The following SETD1B variants were observed in gnomAD, a reference collection of about 807,000 sequenced individuals.
SETD1B encodes the protein histone-lysine N-methyltransferase SETD1B.
SETD1B carries 7 observed loss-of-function variants against 148.0 expected under a neutral mutation model. The ratio of observed to expected loss-of-function variants is 0.05; its 90% CI spans 0.03 to 0.09. The LOEUF (loss-of-function observed/expected upper bound fraction) is 0.09, where lower values mean the gene tolerates loss of function less well. SETD1B is among the 10% of genes least tolerant of loss of function. SETD1B has a pLI of 1.00. For synonymous variants in SETD1B, 1,361 were observed against 1,186.5 expected (o/e 1.15, Z -3.02); for missense variants, 2,155 against 2,729.9 (o/e 0.79, Z 4.69).
upstream of SETD1B, chr12:121,800,844 C>G (rs530218298): frequency 4.0e-5 from 6 of 151,386 alleles, no homozygotes; most frequent in East Asian, 1.2e-3. Flanking sequence ...TCTCGGGGCC[C>G]GACCTGGCCG....
At position 121,831,864 on chromosome 12, in the gene SETD1B, G is replaced by T. The variant is rs868724591; in HGVS notation, c.*1625G>T. 1.3e-5 allele frequency: 2 copies of T among 150,906 alleles called. No homozygotes were observed. The highest frequency in any genetic ancestry group is 4.2e-4 in the South Asian group (2 of 4,736). The allele number at this position is 150,906 out of a possible 1,614,324, so 9.3% of individuals were successfully genotyped here. ...AAGAATTGTTATTTTTCTCTTTTTT[G>T]TTGTTGGTGGTTTTGTTGTGTGTTT... is the stretch of plus-strand genomic sequence containing the variant. On this transcript the variant is annotated 3_prime_UTR_variant, in exon 17 of 17. Coordinates refer to ENST00000604567, the MANE Select transcript of SETD1B (RefSeq NM_001353345.2).
chr12:121,820,328 T>A (rs985460068), intron 11 of SETD1B, among the ~76,000 whole-genome samples: 1 of 151,944 alleles, frequency 6.6e-6, no homozygotes. Context: ...ATGAGAACTC[T>A]AACTGCATGG....
chr12:121,798,319 G>A, the SETD1B span, among the ~76,000 whole-genome samples: 30 of 152,354 alleles, frequency 2.0e-4, 1 homozygote, highest in East Asian at 5.6e-3. Flanking sequence ...GGAGAACCGC[G>A]TTGGCCGCCT....
chr12:121,790,998 C>T, the SETD1B span, among the ~76,000 whole-genome samples: 3 of 152,182 alleles, frequency 2.0e-5, no homozygotes, highest in South Asian at 6.2e-4. Flanking sequence ...CTCAGCCTTC[C>T]GAGTAGCTGG....
the SETD1B span, among the ~76,000 whole-genome samples, chr12:121,798,265 C>T: frequency 1.3e-5 from 2 of 152,222 alleles, no homozygotes; most frequent in African/African-American, 4.8e-5. Flanking sequence ...GGAACAGCCC[C>T]TGTGGATGGG....
At chr12:121,793,248 G>A in the SETD1B span, 1 of 1,550,666 alleles carries the variant, frequency 6.4e-7, no homozygotes. Context: ...TGCTGCGGGA[G>A]AGGGGGTCGG....
At position 121,823,171 on chromosome 12, in the gene SETD1B, C is replaced by T. The variant is rs1386919521; in HGVS notation, c.4592C>T (p.Ser1531Phe). The T allele has an allele frequency of 7.1e-6, 11 of 1,546,240 alleles. No homozygotes were observed. The highest frequency in any genetic ancestry group is 3.3e-4 in the Middle Eastern group (2 of 5,990). Reference sequence around the variant, plus strand: ...CGGCGATCCCCACCATCTATGCTCTCCTTGGATGGGCCCTTGGTCCGACCA... The same window carrying T: ...CGGCGATCCCCACCATCTATGCTCTTCTTGGATGGGCCCTTGGTCCGACCA... The part of the protein sequence containing the change: ...RPRRSPPSML[S>F]LDGPLVRPPA... The change falls in exon 12 of 17, where the codon TCC (serine) becomes TTC (phenylalanine). Residue 1531 changes from serine (S) to phenylalanine (F), a missense_variant. Physicochemically the swap from Ser to Phe is radical, Grantham distance 155. This residue lies in a region of SETD1B where 862 missense variants were observed against 873.8 expected (regional missense o/e 0.99). Transcript: ENST00000604567.
Position 121,810,139 on chromosome 12 carries a change from T to G in SETD1B, c.1194T>G (p.Ser398=). Residue 398 remains serine (S), a synonymous_variant, in exon 6 of 17, where the codon TCT becomes TCG. Coordinates refer to ENST00000604567, the MANE Select transcript of SETD1B (RefSeq NM_001353345.2). The surrounding 1 kb of genome is among the most constrained non-coding windows in gnomAD (Gnocchi z 7.6). The part of the protein sequence containing the change: ...TPAPGFKSAF[S]PYQTPVAHFP... ...CTCCTGGATTCAAGTCTGCTTTCTCTCCGTATCAGACCCCAGTGGCCCACT... is the reference window on the plus strand; with the variant it reads ...CTCCTGGATTCAAGTCTGCTTTCTCGCCGTATCAGACCCCAGTGGCCCACT... 14 of 1,549,766 alleles carry G rather than the reference T, an allele frequency of 9.0e-6. No homozygotes were observed. The highest frequency in any genetic ancestry group is 1.1e-5 in the Non-Finnish European group (13 of 1,146,844).
rs369474009 is a variant in SETD1B at position 121,809,905 on chromosome 12, C to A, written c.960C>A (p.Ala320=). 3.9e-6 allele frequency: 6 copies of A among 1,550,876 alleles called. No individual in the cohort carries two copies. The highest frequency in any genetic ancestry group is 5.2e-6 in the Non-Finnish European group (6 of 1,146,998). The change falls in exon 6 of 17, where the codon GCC becomes GCA. Residue 320 remains alanine (A), a synonymous_variant. Transcript: ENST00000604567. ...GCCACGAGAGCAAGTTCACGGACGC[C>A]TACAACCGCCGCCACGAACATCATT... ...ARRHESKFTD[A]YNRRHEHHYV...
Position 121,819,744 on chromosome 12 carries a change from C to T in SETD1B, c.3759C>T (p.Pro1253=). The change falls in exon 11 of 17, where the codon CCC becomes CCT. Residue 1253 remains proline (P), a synonymous_variant. Transcript: ENST00000604567. ...AGCGGCCCTCCATGCTGGACGAGCC[C>T]CCCTTGCCTGTGGGTGTTGAAGAGC... ...PEERPSMLDE[P]PLPVGVEEPA... is the part of the protein sequence containing the mutation. The T allele has an allele frequency of 6.4e-7, 1 of 1,551,400 alleles. No individual in the cohort carries two copies.
chr12:121,815,406 C>G (rs144757710), intron 7 of SETD1B, among the ~76,000 whole-genome samples: 1,818 of 151,968 alleles, frequency 0.012, 30 homozygotes, highest in African/African-American at 0.041. Context: ...CTGCCCCCCC[C>G]GCCCATTGCA....
Position 121,805,456 on chromosome 12 carries a change from G to A in SETD1B, c.273+240G>A, listed in dbSNP as rs1307521537. 6.6e-6 allele frequency among the ~76,000 whole-genome samples: 1 copy of A among 152,140 alleles called. No individual in the cohort carries two copies. Among genetic ancestry groups the A allele is most frequent in the African/African-American group, 2.4e-5 (1 of 41,414 alleles). ...TACAGTGTCCTGCACGCCCCGCGGG[G>A]GGCTCGGCTCCGAGACTCTCCCCTC... On this transcript the variant is annotated intron_variant, in intron 3 of 16. Coordinates refer to ENST00000604567, the MANE Select transcript of SETD1B (RefSeq NM_001353345.2). The surrounding 1 kb of genome is among the most constrained non-coding windows in gnomAD (Gnocchi z 4.2).
At chr12:121,824,760 C>G (rs545078642) in intron 12 of SETD1B, among the ~76,000 whole-genome samples, 39 of 152,208 alleles carry the variant, frequency 2.6e-4, no homozygotes, top group African/African-American at 9.4e-4. Flanking sequence ...TGTTAAAACA[C>G]CCAGCACTTT....
chr12:121,806,670 G>C (rs1024013581), intron 4 of SETD1B, among the ~76,000 whole-genome samples: 1 of 152,202 alleles, frequency 6.6e-6, no homozygotes, highest in African/African-American at 2.4e-5. Flanking sequence ...GAAGAGCAGA[G>C]CCGGGAAGAG....
chr12:121,830,203 C>T lies in SETD1B; in HGVS notation c.5865C>T (p.Leu1955=), dbSNP rs1262630407. The change falls in exon 17 of 17, where the codon CTC becomes CTT. Residue 1955 remains leucine, a synonymous_variant. Transcript: ENST00000604567. The surrounding 1 kb of genome is among the most constrained non-coding windows in gnomAD (Gnocchi z 5.7). ...FPIEDVKIPC[L]CGSENCRGTL... ...TCGAGGACGTCAAGATCCCCTGCCT[C>T]TGTGGCTCCGAGAACTGCCGGGGGA... 2 of 1,551,394 alleles carry T rather than the reference C, an allele frequency of 1.3e-6. No individual in the cohort carries two copies. Among genetic ancestry groups the T allele is most frequent in the South Asian group, 1.2e-5 (1 of 84,060 alleles).
the SETD1B span, chr12:121,797,794 A>C: frequency 2.8e-6 from 1 of 352,518 alleles, no homozygotes; most frequent in Non-Finnish European, 5.6e-6. Flanking sequence ...TGGCAGAGCC[A>C]AATTTAAAAC....
At chr12:121,796,807 C>T in the SETD1B span, among the ~76,000 whole-genome samples, 5 of 152,084 alleles carry the variant, frequency 3.3e-5, no homozygotes, top group Admixed American at 1.3e-4. Context: ...TTTGGGAGGC[C>T]GAGGTGGGCG....
At chr12:121,801,609 C>T (rs1385912861), upstream of SETD1B, 1 of 152,646 alleles carries the variant, frequency 6.6e-6, no homozygotes, top group East Asian at 1.9e-4. Flanking sequence ...GAAGATCAAG[C>T]TGGGCGGTGG....
intron 6 of SETD1B, among the ~76,000 whole-genome samples, chr12:121,811,666 G>C (rs1004382408): frequency 3.3e-5 from 5 of 152,200 alleles, no homozygotes; most frequent in African/African-American, 1.2e-4. Flanking sequence ...CCGTAGTCCC[G>C]GTGGGCATGG....
Sources: gnomAD v4.1 joint callset for allele counts (sites outside exome capture counted in the v4.1 genomes callset) on GRCh38, gnomAD v4.1.1 for gene constraint, gnomAD v4.1.1 regional missense constraint, Gnocchi (gnomAD v3.1) non-coding constraint, MANE v1.5 for transcripts, NCBI Gene and HGNC (gene_info 2026-07-23, HGNC 2026-07-21) for gene names.